Variants in ANKS1B observed in about 807,000 individuals in gnomAD.
ANKS1B encodes ankyrin repeat and sterile alpha motif domain containing 1B.
In ANKS1B, 36 loss-of-function variants were observed where a neutral mutation model predicts 148.3. The observed-to-expected ratio is 0.24, with a 90% CI of 0.19 to 0.32. ANKS1B has a LOEUF of 0.32. Ranked by LOEUF, ANKS1B falls within the 10% of genes least tolerant of loss-of-function variation. The pLI is 1.00. For synonymous variants in ANKS1B, 542 were observed against 560.8 expected, an observed-to-expected ratio of 0.97 and a Z score of 0.47; for missense variants, 1,157 against 1,542.6, an observed-to-expected ratio of 0.75 and a Z score of 4.19.
intron 12 of ANKS1B, among the ~76,000 whole-genome samples, chr12:99,310,177 A>G (rs1245642843): frequency 1.3e-5 from 2 of 152,156 alleles, no homozygotes; most frequent in Non-Finnish European, 2.9e-5. Context: ...CTTAAGAAAT[A>G]ATAACATGTT....
intron 17 of ANKS1B, among the ~76,000 whole-genome samples, chr12:98,950,327 T>A (rs967003055): frequency 6.6e-6 from 1 of 152,024 alleles, no homozygotes; most frequent in African/African-American, 2.4e-5. Context: ...TGAAACCCCA[T>A]CTCTACCAAA....
chr12:99,287,977 A>C (rs2079367218), intron 12 of ANKS1B, among the ~76,000 whole-genome samples: 1 of 152,204 alleles, frequency 6.6e-6, no homozygotes, highest in African/African-American at 2.4e-5. Context: ...GTAAAGAGAG[A>C]GATCAGGGTT....
intron 9 of ANKS1B, among the ~76,000 whole-genome samples, chr12:99,640,509 C>A (rs944928300): frequency 6.6e-6 from 1 of 152,228 alleles, no homozygotes; most frequent in African/African-American, 2.4e-5. Context: ...TGAGTTCAAC[C>A]GTCTCTCATT....
At chr12:99,031,372 G>T (rs2099952020) in intron 17 of ANKS1B, among the ~76,000 whole-genome samples, 1 of 152,164 alleles carries the variant, frequency 6.6e-6, no homozygotes, top group South Asian at 2.1e-4. Flanking sequence ...GGTTTCTATA[G>T]CTCTGTGACA....
intron 9 of ANKS1B, among the ~76,000 whole-genome samples, chr12:99,634,433 A>G (rs2098210547): frequency 6.6e-6 from 1 of 152,156 alleles, no homozygotes; most frequent in African/African-American, 2.4e-5. Context: ...AGAACTATAA[A>G]AAATATATTA....
intron 10 of ANKS1B, among the ~76,000 whole-genome samples, chr12:99,467,240 T>C (rs4432102): frequency 0.45 from 68,325 of 151,584 alleles, 18,372 homozygotes; most frequent in African/African-American, 0.77. Context: ...AATTCAACAA[T>C]GCTTCATTCT....
intron 15 of ANKS1B, among the ~76,000 whole-genome samples, chr12:99,129,123 G>C (rs951400149): frequency 2.6e-5 from 4 of 152,194 alleles, no homozygotes; most frequent in Admixed American, 2.0e-4. Flanking sequence ...TGGTGTCCAA[G>C]TAGCATTCAG....
rs530731949 is a variant in ANKS1B, at chr12:99,880,277, G to A, written c.135-54888C>T. Among the ~76,000 whole-genome samples, 14 of 152,224 alleles carry A rather than the reference G, an allele frequency of 9.2e-5. No individual in the cohort carries two copies. The East Asian group carries it at 9.6e-4, about 10-fold the overall frequency. On this transcript the variant is annotated intron_variant, in intron 1 of 26. Transcript: ENST00000683438. ...AATACTATGAGGTAGGGATATCACC[G>A]TGCCAATTTTATAAAAGATAAAACT...
At chr12:99,656,938 G>T (rs546994723) in intron 8 of ANKS1B, among the ~76,000 whole-genome samples, 52 of 152,122 alleles carry the variant, frequency 3.4e-4, no homozygotes, top group Non-Finnish European at 4.7e-4. Context: ...TAGAATATAA[G>T]ATTTTATTTT....
chr12:99,410,562 G>A (rs975597695), intron 11 of ANKS1B, among the ~76,000 whole-genome samples: 1 of 152,160 alleles, frequency 6.6e-6, no homozygotes, highest in African/African-American at 2.4e-5. Flanking sequence ...CCAGCTACTC[G>A]GGAGGCTGAG....
At chr12:99,739,578 A>G (rs2059911263) in intron 8 of ANKS1B, among the ~76,000 whole-genome samples, 1 of 152,152 alleles carries the variant, frequency 6.6e-6, no homozygotes, top group Admixed American at 6.5e-5. Context: ...TGTTCTAAAC[A>G]AAACTAAAAA....
chr12:99,670,316 TAATA>T (rs1254610097), intron 8 of ANKS1B, among the ~76,000 whole-genome samples: 1 of 146,510 alleles, frequency 6.8e-6, no homozygotes, highest in African/African-American at 2.8e-5. Context: ...TCCTAATTCA[TAATA>T]AATAGATGGT....
In ANKS1B at chr12:98,744,526, A is replaced by T; in HGVS notation, c.*1213T>A. 1.7e-6 allele frequency: 1 copy of T among 585,336 alleles called. No homozygotes were observed. Among genetic ancestry groups the T allele is most frequent in the Non-Finnish European group, 2.2e-6 (1 of 464,518 alleles). The allele number at this position is 585,336 out of a possible 1,614,324, so 36.3% of individuals were successfully genotyped here. On this transcript the variant is annotated 3_prime_UTR_variant, in exon 27 of 27. Transcript: ENST00000683438. ...CTGTTTATATAATTTGATTCTACAT[A>T]AATATACATTATGGTATCATACAAA...
At chr12:99,210,430 C>T (rs548296867) in intron 14 of ANKS1B, among the ~76,000 whole-genome samples, 1 of 152,258 alleles carries the variant, frequency 6.6e-6, no homozygotes, top group Admixed American at 6.5e-5. Flanking sequence ...TAATCAGTAG[C>T]TTCTTCAAGT....
intron 9 of ANKS1B, among the ~76,000 whole-genome samples, chr12:99,602,810 A>G (rs1303922288): frequency 1.3e-5 from 2 of 152,058 alleles, no homozygotes; most frequent in Non-Finnish European, 2.9e-5. Flanking sequence ...ATATTAGAGG[A>G]AACTAGAAGA....
chr12:99,655,507 A>C (rs1328581308), intron 8 of ANKS1B, among the ~76,000 whole-genome samples: 1 of 152,194 alleles, frequency 6.6e-6, no homozygotes, highest in African/African-American at 2.4e-5. Flanking sequence ...AATGAGAAAA[A>C]TCTTATGGTT....
intron 1 of ANKS1B, among the ~76,000 whole-genome samples, chr12:99,878,293 C>T (rs77034356): frequency 0.048 from 7,240 of 152,190 alleles, 547 homozygotes; most frequent in African/African-American, 0.16. Context: ...TTTTATGGGC[C>T]AGCACTTTAC....
intron 2 of ANKS1B, among the ~76,000 whole-genome samples, chr12:99,821,733 T>A (rs1031523389): frequency 3.3e-5 from 5 of 152,044 alleles, no homozygotes; most frequent in Non-Finnish European, 5.9e-5. Flanking sequence ...GTAATAGAGT[T>A]TATCTTCCCA....
chr12:99,982,692 T>C (rs2095720161), intron 1 of ANKS1B, among the ~76,000 whole-genome samples: 1 of 152,206 alleles, frequency 6.6e-6, no homozygotes, highest in Non-Finnish European at 1.5e-5. Flanking sequence ...TGTCTACCTG[T>C]GTTTGAAAGA....
Sources: allele counts gnomAD v4.1 joint callset (sites outside exome capture counted in the v4.1 genomes callset), GRCh38; gene constraint gnomAD v4.1.1; transcripts MANE v1.5; gene names NCBI Gene and HGNC (gene_info 2026-07-23, HGNC 2026-07-21).